DPYD: variants seen among roughly 807,000 people sequenced by gnomAD.
DPYD encodes dihydropyrimidine dehydrogenase [NADP(+)].
DPYD carries 109 observed loss-of-function variants against 116.2 expected under a neutral mutation model. The observed-to-expected ratio is 0.94, with a 90% CI of 0.80 to 1.10. The LOEUF (loss-of-function observed/expected upper bound fraction) is 1.10. Among genes scored for constraint, DPYD ranks in the 50% least tolerant of loss-of-function variants. The pLI is 0.00. For synonymous variants in DPYD, 440 were observed against 432.0 expected, an observed-to-expected ratio of 1.02 and a Z score of -0.23; for missense variants, 1,302 against 1,254.5, an observed-to-expected ratio of 1.04 and a Z score of -0.57.
intron 6 of DPYD, among the ~76,000 whole-genome samples, chr1:97,694,158 T>C (rs1661173417): frequency 6.6e-6 from 1 of 152,168 alleles, no homozygotes; most frequent in South Asian, 2.1e-4. Context: ...AGCACAGTGT[T>C]AAACGAATAA....
At chr1:97,586,505 T>C (rs1282801721) in intron 10 of DPYD, among the ~76,000 whole-genome samples, 1 of 113,820 alleles carries the variant, frequency 8.8e-6, no homozygotes, top group Non-Finnish European at 1.8e-5. Context: ...TATATATATA[T>C]ATATATATAT....
chr1:97,493,480 A>T (rs1205276152), intron 13 of DPYD, among the ~76,000 whole-genome samples: 1 of 152,174 alleles, frequency 6.6e-6, no homozygotes, highest in Non-Finnish European at 1.5e-5. Flanking sequence ...TGCCTTCTCC[A>T]TAGGGCTCCT....
intron 3 of DPYD, among the ~76,000 whole-genome samples, chr1:97,762,562 A>C (rs927281439): frequency 6.6e-6 from 1 of 152,124 alleles, no homozygotes; most frequent in Admixed American, 6.6e-5. Context: ...TTTATATTTT[A>C]AAACTGCTTA....
intron 3 of DPYD, among the ~76,000 whole-genome samples, chr1:97,822,355 T>A (rs1668989291): frequency 6.8e-6 from 1 of 147,978 alleles, no homozygotes. Context: ...ACTTTATAAA[T>A]TTATAAATAT....
At chr1:97,385,094 T>C (rs964349870) in intron 14 of DPYD, among the ~76,000 whole-genome samples, 1 of 151,812 alleles carries the variant, frequency 6.6e-6, no homozygotes, top group Non-Finnish European at 1.5e-5. Context: ...TTTGCAAGTA[T>C]AAAAGGGGCA....
rs147037415 is a variant in DPYD, at chr1:97,866,516, G to A, written c.150+16748C>T. Among the ~76,000 whole-genome samples, 940 of 151,970 alleles carry A rather than the reference G, an allele frequency of 6.2e-3. 10 individuals are homozygous for A. Among genetic ancestry groups the A allele is most frequent in the Middle Eastern group, 0.017 (5 of 294 alleles). ...TTGTTTCATTCATTTAAGTAGCCACGAGGTGCCAGGTATTGTTGTAGACCC... is the reference window on the plus strand; with the variant it reads ...TTGTTTCATTCATTTAAGTAGCCACAAGGTGCCAGGTATTGTTGTAGACCC... On this transcript the variant is annotated intron_variant, in intron 2 of 22. Transcript: ENST00000370192.
chr1:97,127,898 C>G (rs1318181316), intron 20 of DPYD, among the ~76,000 whole-genome samples: 1 of 152,128 alleles, frequency 6.6e-6, no homozygotes, highest in African/African-American at 2.4e-5. Context: ...ATCTTCCACA[C>G]ACGGTTCCAT....
chr1:97,201,073 A>G (rs1659168772), intron 19 of DPYD, among the ~76,000 whole-genome samples: 1 of 152,148 alleles, frequency 6.6e-6, no homozygotes, highest in Non-Finnish European at 1.5e-5. Context: ...TATTATTTCC[A>G]TAAATTTCAA....
chr1:97,608,191 T>C (rs1655722865), intron 8 of DPYD, among the ~76,000 whole-genome samples: 1 of 151,970 alleles, frequency 6.6e-6, no homozygotes, highest in Non-Finnish European at 1.5e-5. Context: ...ACTGGAGCAC[T>C]TTCTCAAGAA....
chr1:97,893,810 T>C (rs1672904799), intron 1 of DPYD, among the ~76,000 whole-genome samples: 1 of 151,690 alleles, frequency 6.6e-6, no homozygotes, highest in Non-Finnish European at 1.5e-5. Flanking sequence ...AGGCCCAGTG[T>C]GTGACTCTCC....
intron 20 of DPYD, among the ~76,000 whole-genome samples, chr1:97,114,501 T>G (rs1308199200): frequency 6.6e-6 from 1 of 152,194 alleles, no homozygotes; most frequent in Non-Finnish European, 1.5e-5. Context: ...TATTTCTCCA[T>G]GAATGTCTTT....
intron 3 of DPYD, among the ~76,000 whole-genome samples, chr1:97,789,910 T>C (rs2101261007): frequency 6.6e-6 from 1 of 152,256 alleles, no homozygotes; most frequent in Non-Finnish European, 1.5e-5. Context: ...CTTTAAGTCT[T>C]TGATAGACTT....
chr1:97,819,365 A>G (rs542374047), intron 3 of DPYD, among the ~76,000 whole-genome samples: 1 of 152,056 alleles, frequency 6.6e-6, no homozygotes, highest in South Asian at 2.1e-4. Flanking sequence ...TTCTGAATCC[A>G]ATCTCACTGC....
intron 20 of DPYD, among the ~76,000 whole-genome samples, chr1:97,106,760 C>T (rs888079383): frequency 1.2e-4 from 18 of 151,132 alleles, no homozygotes; most frequent in African/African-American, 2.9e-4. Context: ...GCAGATGGCA[C>T]GTCATGGGAC....
chr1:97,563,455 G>A (rs11165894), intron 11 of DPYD, among the ~76,000 whole-genome samples: 34 of 152,222 alleles, frequency 2.2e-4, no homozygotes, highest in African/African-American at 8.2e-4. Flanking sequence ...AAACAATTAC[G>A]TTATTTTTTC....
intron 13 of DPYD, among the ~76,000 whole-genome samples, chr1:97,468,092 G>A (rs879754728): frequency 1.3e-5 from 2 of 152,170 alleles, no homozygotes; most frequent in Non-Finnish European, 2.9e-5. Flanking sequence ...CAGGAAGGTA[G>A]TCATAGACAA....
chr1:97,553,634 A>C (rs1411199844), intron 11 of DPYD, among the ~76,000 whole-genome samples: 2 of 152,106 alleles, frequency 1.3e-5, no homozygotes, highest in Non-Finnish European at 2.9e-5. Context: ...TGAAGTGTTA[A>C]ATGAATATTA....
chr1:97,792,549 C>T (rs777713830), intron 3 of DPYD, among the ~76,000 whole-genome samples: 3 of 152,106 alleles, frequency 2.0e-5, no homozygotes, highest in Non-Finnish European at 4.4e-5. Context: ...CGCGCCTGGC[C>T]GCTACTGAGC....
chr1:97,627,221 G>C (rs966906658), intron 8 of DPYD, among the ~76,000 whole-genome samples: 23 of 151,858 alleles, frequency 1.5e-4, no homozygotes, highest in African/African-American at 5.6e-4. Flanking sequence ...CATAACACAA[G>C]GTAAAACATC....
Sources: gnomAD v4.1 joint callset for allele counts (sites outside exome capture counted in the v4.1 genomes callset) on GRCh38, gnomAD v4.1.1 for gene constraint, MANE v1.5 for transcripts, NCBI Gene and HGNC (gene_info 2026-07-23, HGNC 2026-07-21) for gene names.